The following TENM1 variants were observed in gnomAD, a reference collection of about 807,000 sequenced individuals.
The protein encoded by TENM1 is teneurin-1.
TENM1 carries 35 observed loss-of-function variants against 174.8 expected under a neutral mutation model. The ratio of observed to expected loss-of-function variants is 0.20; its 90% CI spans 0.15 to 0.27. TENM1 has a LOEUF of 0.27. Ranked by LOEUF, TENM1 falls within the 10% of genes least tolerant of loss-of-function variation. TENM1 has a pLI of 1.00. For missense variants in TENM1, 1,633 were observed against 2,130.1 expected, an observed-to-expected ratio of 0.77 and a Z score of 4.59; for synonymous variants, 781 against 798.7, an observed-to-expected ratio of 0.98 and a Z score of 0.37.
At chrX:124,994,747 C>T in the TENM1 span, among the ~76,000 whole-genome samples, 20 of 110,942 alleles carry the variant, frequency 1.8e-4, no homozygotes, top group East Asian at 5.7e-3. Context: ...CCTTGTTCAA[C>T]CTGCCACCAT....
At chrX:125,177,761 A>G in the TENM1 span, among the ~76,000 whole-genome samples, 1 of 111,647 alleles carries the variant, frequency 9.0e-6, no homozygotes, top group Non-Finnish European at 1.9e-5. Flanking sequence ...AAGAAACTAC[A>G]AGAGCCATTT....
At chrX:124,391,421 G>A (rs919095898) in intron 28 of TENM1, among the ~76,000 whole-genome samples, 5 of 111,388 alleles carry the variant, frequency 4.5e-5, no homozygotes, top group African/African-American at 1.6e-4. Flanking sequence ...ATTTTGCTCT[G>A]TAGGGGCTGA....
rs184497342 is a variant in TENM1, at chrX:124,905,859, G to A, written c.218-9618C>T. Among the ~76,000 whole-genome samples, 25 of 111,261 alleles carry A rather than the reference G, an allele frequency of 2.2e-4. No homozygotes were observed. The Admixed American group carries it at 2.3e-3, about 10-fold the overall frequency. On this transcript the variant is annotated intron_variant, in intron 1 of 31. Transcript: ENST00000422452. ...AAAACCATCTGAGAATGGAGAAAGA[G>A]CCATCAGAAAGGAATAAAAGAAACA...
chrX:125,176,857 A>G, the TENM1 span, among the ~76,000 whole-genome samples: 1 of 111,542 alleles, frequency 9.0e-6, no homozygotes, highest in Admixed American at 9.6e-5. Flanking sequence ...TAATAACTTC[A>G]TGTACTTTTT....
At chrX:124,967,403 C>T (rs1207941179), upstream of TENM1, among the ~76,000 whole-genome samples, 1 of 111,418 alleles carries the variant, frequency 9.0e-6, no homozygotes, top group Non-Finnish European at 1.9e-5. Flanking sequence ...ACAGGTCTTT[C>T]CTTTCTACAA....
chrX:124,895,785 T>C (rs2057552287), intron 2 of TENM1, among the ~76,000 whole-genome samples, 196 bp downstream of exon 5: 1 of 112,129 alleles, frequency 8.9e-6, no homozygotes, highest in Non-Finnish European at 1.9e-5. Context: ...ATGAAAAGTA[T>C]TTTGTCTGTT....
chrX:124,394,998 C>G (rs2060318941), intron 27 of TENM1, among the ~76,000 whole-genome samples: 1 of 111,495 alleles, frequency 9.0e-6, no homozygotes, highest in Non-Finnish European at 1.9e-5. Context: ...ATACAGAACC[C>G]TATGAGTGAA....
chrX:124,456,590 C>T (rs977663466), intron 22 of TENM1, among the ~76,000 whole-genome samples: 12 of 111,538 alleles, frequency 1.1e-4, no homozygotes, highest in Non-Finnish European at 3.8e-5. Context: ...GGGAGGTTTC[C>T]CCTCCCATAA....
At chrX:124,676,792 G>A (rs1482562957) in intron 5 of TENM1, among the ~76,000 whole-genome samples, 1 of 106,529 alleles carries the variant, frequency 9.4e-6, no homozygotes. Flanking sequence ...AATAAGACTG[G>A]TGGTCTCTAG....
chrX:124,913,888 T>G (rs762908613), intron 1 of TENM1, among the ~76,000 whole-genome samples: 2 of 111,798 alleles, frequency 1.8e-5, no homozygotes, highest in Non-Finnish European at 3.8e-5. Context: ...CAAATAATGG[T>G]TATTCTAGTG....
chrX:124,409,728 GACAA>G (rs1413760228), intron 25 of TENM1, among the ~76,000 whole-genome samples: 5 of 104,421 alleles, frequency 4.8e-5, no homozygotes, highest in Non-Finnish European at 9.9e-5. Flanking sequence ...ACCAATAACA[GACAA>G]ACAGAGAGCC....
chrX:125,142,954 G>GA, the TENM1 span, among the ~76,000 whole-genome samples: 1 of 111,584 alleles, frequency 9.0e-6, no homozygotes, highest in Non-Finnish European at 1.9e-5. Flanking sequence ...GTACCAAGAA[G>GA]AAAAAATGAG....
chrX:125,160,944 A>AC, the TENM1 span, among the ~76,000 whole-genome samples: 37 of 107,650 alleles, frequency 3.4e-4, no homozygotes, highest in African/African-American at 1.2e-3. Context: ...CTAGGTATAT[A>AC]CCCCAAAAAA....
the TENM1 span, among the ~76,000 whole-genome samples, chrX:124,977,211 A>C: frequency 8.9e-6 from 1 of 111,954 alleles, no homozygotes; most frequent in Non-Finnish European, 1.9e-5. Context: ...CTCAAATAAA[A>C]GAATACACAT....
chrX:125,196,025 G>A, the TENM1 span, among the ~76,000 whole-genome samples: 1 of 106,106 alleles, frequency 9.4e-6, no homozygotes, highest in African/African-American at 3.5e-5. Flanking sequence ...AAGGAAGGAA[G>A]GAAGGAAGGA....
At chrX:124,735,050 C>A (rs1320147656) in intron 4 of TENM1, among the ~76,000 whole-genome samples, 1 of 111,760 alleles carries the variant, frequency 8.9e-6, no homozygotes, top group Non-Finnish European at 1.9e-5. Flanking sequence ...AATTTTATGA[C>A]CAAGACCTCA....
At chrX:125,088,929 T>C in the TENM1 span, among the ~76,000 whole-genome samples, 3 of 111,526 alleles carry the variant, frequency 2.7e-5, no homozygotes, top group South Asian at 7.5e-4. Flanking sequence ...AAAATACCTA[T>C]ACACTATAAA....
chrX:124,622,499 C>T (rs775925647), intron 11 of TENM1, among the ~76,000 whole-genome samples: 3 of 112,208 alleles, frequency 2.7e-5, no homozygotes, highest in South Asian at 3.7e-4. Flanking sequence ...ACTGTGTGCG[C>T]GATTCAGTTT....
the TENM1 span, among the ~76,000 whole-genome samples, chrX:125,023,687 A>C: frequency 9.0e-6 from 1 of 111,551 alleles, no homozygotes; most frequent in East Asian, 2.8e-4. Flanking sequence ...AGTATAAAGC[A>C]TGTAACCACT....
Sources: allele counts gnomAD v4.1 joint callset (sites outside exome capture counted in the v4.1 genomes callset), GRCh38; gene constraint gnomAD v4.1.1; transcripts MANE v1.5; gene names NCBI Gene and HGNC (gene_info 2026-07-23, HGNC 2026-07-21).